GFM2: variants seen among roughly 807,000 people sequenced by gnomAD.
The protein encoded by GFM2 is GTP dependent ribosome recycling factor mitochondrial 2, also known as ribosome-releasing factor 2, mitochondrial.
Under a neutral mutation model 95.4 loss-of-function variants are expected in GFM2, and 72 were observed. The ratio of observed to expected loss-of-function variants is 0.76; its 90% CI spans 0.62 to 0.92. The LOEUF (loss-of-function observed/expected upper bound fraction) is 0.92, where lower values mean the gene tolerates loss of function less well. Among genes scored for constraint, GFM2 ranks in the 40% least tolerant of loss-of-function variants. The pLI is 0.00. For synonymous variants in GFM2, 276 were observed against 317.5 expected, an observed-to-expected ratio of 0.87 and a Z score of 1.39; for missense variants, 825 against 924.1, an observed-to-expected ratio of 0.89 and a Z score of 1.39.
intron 5 of GFM2, among the ~76,000 whole-genome samples, chr5:74,756,777 G>A (rs183646628): frequency 7.9e-5 from 12 of 152,124 alleles, no homozygotes; most frequent in African/African-American, 2.7e-4. Context: ...CACTATTCTC[G>A]GATGGAATTG....
At position 74,759,268 on chromosome 5, in the gene GFM2, G is replaced by GCGAGACTCCGTCTCAAAAAAAAAA. The variant is rs1561263191; in HGVS notation, c.206+100_206+101insTTTTTTTTTTGAGACGGAGTCTCG. The GCGAGACTCCGTCTCAAAAAAAAAA allele has an allele frequency of 1.1e-5, 8 of 727,632 alleles. No homozygotes were observed. In the African/African-American group the frequency reaches 1.4e-4, roughly 13 times the overall value. 45.1% of individuals were successfully genotyped at this position (727,632 alleles called of 1,614,324 possible). ...CATCTACTTAAAATTGGCTAGGGCA[G>GCGAGACTCCGTCTCAAAAAAAAAA]AAAGTCATAGAAATTACAGCATTCA... On this transcript the variant is annotated intron_variant, in intron 4 of 20. Transcript: ENST00000296805.
At chr5:74,724,800 T>A (rs1750073476) in intron 19 of GFM2, among the ~76,000 whole-genome samples, 1 of 152,094 alleles carries the variant, frequency 6.6e-6, no homozygotes, top group Non-Finnish European at 1.5e-5. Context: ...CAAGTATAAA[T>A]AATGCAAAAG....
chr5:74,754,904 T>G (rs916965893), intron 5 of GFM2, among the ~76,000 whole-genome samples: 1 of 152,012 alleles, frequency 6.6e-6, no homozygotes, highest in Non-Finnish European at 1.5e-5. Flanking sequence ...TTACCTGAGG[T>G]CAGGAGTTCA....
At chr5:74,733,191 T>A in intron 15 of GFM2, 93 bp from the exon 16 acceptor site, 6 of 954,822 alleles carry the variant, frequency 6.3e-6, no homozygotes, top group Non-Finnish European at 9.7e-6. Flanking sequence ...AGCAAACAAA[T>A]TTTGAAAAAG....
At chr5:74,741,645 T>G (rs922421399) in intron 10 of GFM2, 36 bp from the exon 11 acceptor site, 21 of 1,071,018 alleles carry the variant, frequency 2.0e-5, no homozygotes, top group Non-Finnish European at 8.4e-6. Context: ...ATAACTTGCA[T>G]TTACTTTCAT....
At chr5:74,766,230 G>C (rs1267609163) in intron 1 of GFM2, among the ~76,000 whole-genome samples, 3 of 152,230 alleles carry the variant, frequency 2.0e-5, no homozygotes, top group African/African-American at 7.2e-5. Flanking sequence ...CTTGATCCCG[G>C]GAGGTCGAGG....
chr5:74,727,385 T>C (rs1164974724), intron 17 of GFM2, among the ~76,000 whole-genome samples: 1 of 152,196 alleles, frequency 6.6e-6, no homozygotes, highest in Non-Finnish European at 1.5e-5. Context: ...AGTTTACTTC[T>C]GCTTCATTTT....
intron 7 of GFM2, among the ~76,000 whole-genome samples, chr5:74,748,995 T>A (rs961333756): frequency 9.3e-5 from 14 of 151,322 alleles, no homozygotes; most frequent in African/African-American, 3.4e-4. Flanking sequence ...TCCAAAGTAG[T>A]TGCATTATTT....
chr5:74,762,502 AGATT>A lies in GFM2; in HGVS notation c.63+1174_63+1177del, dbSNP rs565681768. Reference sequence around the variant, plus strand: ...CTTTCTTCACAATTTCATGGATAGAAGATTCATTCCTACCATAGATCTTAGCAAC... The same window carrying A: ...CTTTCTTCACAATTTCATGGATAGAACATTCCTACCATAGATCTTAGCAAC... On this transcript the variant is annotated intron_variant, in intron 2 of 20. Transcript: ENST00000296805. Among the ~76,000 whole-genome samples, 9 of 152,330 alleles carry A rather than the reference AGATT, an allele frequency of 5.9e-5. No homozygotes were observed. In the South Asian group the frequency reaches 1.7e-3, roughly 28 times the overall value.
chr5:74,738,874 C>T (rs1422109693), intron 12 of GFM2, among the ~76,000 whole-genome samples: 2 of 152,128 alleles, frequency 1.3e-5, no homozygotes, highest in Non-Finnish European at 2.9e-5. Context: ...AATATTACTT[C>T]TATTTGTGAA....
Position 74,745,717 on chromosome 5 carries a change from C to A in GFM2, c.810G>T (p.Leu270=). The part of the protein sequence containing the change: ...PLLEMNDPEL[L]KETTEARNAL... ...CATTCCTTGCTTCAGTTGTTTCCTT[C>A]AGCAATTCAGGATCATTCATTTCCA... Residue 270 remains leucine (L), a synonymous_variant, in exon 10 of 21, where the codon CTG becomes CTT. Coordinates refer to ENST00000296805, the MANE Select transcript of GFM2 (RefSeq NM_032380.5). 5 of 1,613,350 alleles carry A rather than the reference C, an allele frequency of 3.1e-6. No individual in the cohort carries two copies. Among genetic ancestry groups the A allele is most frequent in the Non-Finnish European group, 4.2e-6 (5 of 1,179,794 alleles).
intron 20 of GFM2, among the ~76,000 whole-genome samples, 154 bp from the exon 21 acceptor site, chr5:74,721,937 C>T (rs558371281): frequency 1.1e-4 from 17 of 152,236 alleles, no homozygotes; most frequent in African/African-American, 4.1e-4. Context: ...TAACTTTTTT[C>T]AGGGTAAGTT....
At chr5:74,739,642 T>C (rs1043192031) in intron 12 of GFM2, among the ~76,000 whole-genome samples, 1 of 152,144 alleles carries the variant, frequency 6.6e-6, no homozygotes, top group African/African-American at 2.4e-5. Flanking sequence ...CCACAAAATA[T>C]TTTGAGCTTA....
chr5:74,746,100 T>A lies in GFM2; in HGVS notation c.669+5A>T, dbSNP rs767442986. ...AGAAGAAGCTGATGCTATTAACCAA[T>A]TTACCTGTAAAAGCAAAGGCTTTGC... On this transcript the variant is annotated splice_donor_5th_base_variant and intron_variant, in intron 9 of 20. Coordinates refer to ENST00000296805, the MANE Select transcript of GFM2 (RefSeq NM_032380.5). The A allele has an allele frequency of 1.6e-5, 25 of 1,544,422 alleles. No homozygotes were observed. Among genetic ancestry groups the A allele is most frequent in the Non-Finnish European group, 2.2e-5 (25 of 1,148,082 alleles).
chr5:74,756,412 C>T (rs1743985182), intron 5 of GFM2, among the ~76,000 whole-genome samples: 1 of 152,148 alleles, frequency 6.6e-6, no homozygotes, highest in African/African-American at 2.4e-5. Context: ...TGGACATATA[C>T]ACCACATTTT....
chr5:74,730,386 C>CTT lies in GFM2; in HGVS notation c.1599_1600insAA (p.Gly534LysfsTer8). 1 of 1,596,104 alleles carries CTT rather than the reference C, an allele frequency of 6.3e-7. No individual in the cohort carries two copies. The highest frequency in any genetic ancestry group is 8.5e-7 in the Non-Finnish European group (1 of 1,172,464). On this transcript the variant is annotated frameshift_variant, in exon 17 of 21. Transcript: ENST00000296805. LOFTEE classifies it high-confidence loss of function. ...ATCTCTATATGTAACTCCCCCATAC[C>CTT]ACACAGAACAGTCTGGTTACCAGAG... is the stretch of plus-strand genomic sequence containing the variant.
chr5:74,732,486 T>C (rs1001559135), intron 16 of GFM2, among the ~76,000 whole-genome samples: 4 of 150,198 alleles, frequency 2.7e-5, no homozygotes, highest in Non-Finnish European at 4.5e-5. Context: ...AAAAAGAGGA[T>C]GCAGAATGTA....
At chr5:74,728,103 C>A (rs1037455496) in intron 17 of GFM2, among the ~76,000 whole-genome samples, 3 of 152,064 alleles carry the variant, frequency 2.0e-5, no homozygotes, top group Non-Finnish European at 4.4e-5. Flanking sequence ...GCCCATCGCA[C>A]CTATTTTTGA....
chr5:74,734,422 C>T (rs530540729), intron 15 of GFM2, among the ~76,000 whole-genome samples: 3 of 152,172 alleles, frequency 2.0e-5, no homozygotes, highest in African/African-American at 7.2e-5. Flanking sequence ...GTTCTAGACC[C>T]TTGACATCCC....
Sources: allele counts gnomAD v4.1 joint callset (sites outside exome capture counted in the v4.1 genomes callset), GRCh38; gene constraint gnomAD v4.1.1; transcripts MANE v1.5; gene names NCBI Gene and HGNC (gene_info 2026-07-23, HGNC 2026-07-21).